Variants in MAMDC2 observed in about 807,000 individuals in gnomAD.
MAMDC2 encodes the protein MAM domain-containing protein 2.
Under a neutral mutation model 89.8 loss-of-function variants are expected in MAMDC2, and 57 were observed. That is an observed-to-expected ratio of 0.63 (90% CI 0.51 to 0.79). The LOEUF is 0.79. Ranked by LOEUF, MAMDC2 falls within the 30% of genes least tolerant of loss-of-function variation. MAMDC2 has a pLI of 0.00. For missense variants in MAMDC2, 800 were observed against 820.6 expected (o/e 0.97, Z 0.31); for synonymous variants, 313 against 293.4 (o/e 1.07, Z -0.68).
rs554355704 is a variant in MAMDC2 at position 70,054,283 on chromosome 9, G to A, written c.148+9586G>A. Among the ~76,000 whole-genome samples the A allele has an allele frequency of 1.9e-4, 29 of 152,244 alleles. 1 individual carries two copies. Among genetic ancestry groups the A allele is most frequent in the African/African-American group, 7.0e-4 (29 of 41,544 alleles). ...ATGGATAAAGTAATAACAGCAGGAG[G>A]CTAAGAAAAGATGCCTTGAGCTCAC... On this transcript the variant is annotated intron_variant, in intron 2 of 13. Transcript: ENST00000377182.
At chr9:70,140,784 T>G (rs918437855) in intron 8 of MAMDC2, among the ~76,000 whole-genome samples, 1 of 152,156 alleles carries the variant, frequency 6.6e-6, no homozygotes, top group East Asian at 1.9e-4. Flanking sequence ...AATGGATAAA[T>G]GGTAAATTTT....
chr9:70,078,379 C>A (rs970816978), intron 2 of MAMDC2, among the ~76,000 whole-genome samples: 5 of 152,120 alleles, frequency 3.3e-5, no homozygotes, highest in Admixed American at 2.6e-4. Flanking sequence ...GGCTGAGGCA[C>A]AAAATATAAT....
At chr9:70,190,080 C>T (rs2032846903) in intron 11 of MAMDC2, among the ~76,000 whole-genome samples, 1 of 152,100 alleles carries the variant, frequency 6.6e-6, no homozygotes, top group Admixed American at 6.5e-5. Context: ...AGTCCAATGT[C>T]TTGACTTCCT....
intron 9 of MAMDC2, among the ~76,000 whole-genome samples, chr9:70,147,098 A>G (rs568730234): frequency 6.7e-6 from 1 of 149,722 alleles, no homozygotes; most frequent in African/African-American, 2.5e-5. Context: ...TCCACTAAAA[A>G]TACAAAAATT....
At chr9:70,059,633 C>T (rs538938639) in intron 2 of MAMDC2, among the ~76,000 whole-genome samples, 1 of 152,282 alleles carries the variant, frequency 6.6e-6, no homozygotes, top group Admixed American at 6.5e-5. Context: ...AAGACAGTTT[C>T]AATAAAGTAC....
chr9:70,216,589 G>T (rs1182012923), intron 11 of MAMDC2, among the ~76,000 whole-genome samples: 1 of 152,142 alleles, frequency 6.6e-6, no homozygotes, highest in Admixed American at 6.5e-5. Context: ...TGAATTTGGG[G>T]AGACACATAC....
At chr9:70,060,385 G>A (rs951333503) in intron 2 of MAMDC2, among the ~76,000 whole-genome samples, 9 of 152,168 alleles carry the variant, frequency 5.9e-5, no homozygotes, top group African/African-American at 2.2e-4. Context: ...ATGAGCTCGA[G>A]CATCATGGAG....
At chr9:70,156,860 C>A (rs893734906) in intron 9 of MAMDC2, among the ~76,000 whole-genome samples, 2 of 152,100 alleles carry the variant, frequency 1.3e-5, no homozygotes, top group Admixed American at 1.3e-4. Flanking sequence ...TTTGTTGAGA[C>A]CTTCTGTGTT....
At chr9:70,054,722 A>G (rs1404707191) in intron 2 of MAMDC2, among the ~76,000 whole-genome samples, 1 of 152,146 alleles carries the variant, frequency 6.6e-6, no homozygotes, top group African/African-American at 2.4e-5. Context: ...TTCCACTTTG[A>G]TGATTCAGAA....
At chr9:70,172,860 A>G (rs961349820) in intron 11 of MAMDC2, 2 of 152,996 alleles carry the variant, frequency 1.3e-5, no homozygotes, top group Non-Finnish European at 2.9e-5. Flanking sequence ...TTATGTGTGA[A>G]GCTATCTCTG....
At chr9:70,046,479 C>A (rs531734176) in intron 2 of MAMDC2, among the ~76,000 whole-genome samples, 1 of 152,196 alleles carries the variant, frequency 6.6e-6, no homozygotes, top group Admixed American at 6.5e-5. Context: ...AAGCCAGGAG[C>A]CTTAGTTAGT....
chr9:70,182,362 G>A lies in MAMDC2; in HGVS notation c.1651+11731G>A, dbSNP rs574175001. 4.6e-5 allele frequency among the ~76,000 whole-genome samples: 7 copies of A among 152,176 alleles called. No homozygotes were observed. The South Asian group carries it at 6.2e-4, about 14-fold the overall frequency. On this transcript the variant is annotated intron_variant, in intron 11 of 13. Transcript: ENST00000377182. ...CAGGTTTTGGTGTCAGAATGATGCCGGCCTCATAAAATGAATTAGGGAGGA... is the reference window on the plus strand; with the variant it reads ...CAGGTTTTGGTGTCAGAATGATGCCAGCCTCATAAAATGAATTAGGGAGGA...
chr9:70,190,789 T>A (rs929532597), intron 11 of MAMDC2, among the ~76,000 whole-genome samples: 3 of 152,154 alleles, frequency 2.0e-5, no homozygotes, highest in Non-Finnish European at 4.4e-5. Context: ...AAATGCCATG[T>A]GGATACAGTT....
In MAMDC2 at chr9:70,198,595, T is replaced by C. The variant is rs578016599; in HGVS notation, c.1652-19742T>C. Among the ~76,000 whole-genome samples, 80 of 151,234 alleles carry C rather than the reference T, an allele frequency of 5.3e-4. No individual in the cohort carries two copies. The South Asian group carries it at 0.016, about 31-fold the overall frequency. The stretch of plus-strand genomic sequence containing the variant: ...GAATAGATTAAAAGTCATTCAGTTC[T>C]CTCTCCCTGATCCTACTATTCCAGA... On this transcript the variant is annotated intron_variant, in intron 11 of 13. Coordinates refer to ENST00000377182, the MANE Select transcript of MAMDC2 (RefSeq NM_153267.5).
chr9:70,113,242 G>C (rs1309396350), intron 5 of MAMDC2, 110 bp downstream of exon 5: 2 of 1,265,696 alleles, frequency 1.6e-6, no homozygotes, highest in Admixed American at 4.3e-5. Flanking sequence ...AAGAGAGGAG[G>C]GAGGAGGGTG....
intron 12 of MAMDC2, among the ~76,000 whole-genome samples, chr9:70,223,597 T>C (rs2033602495): frequency 6.6e-6 from 1 of 152,218 alleles, no homozygotes; most frequent in Non-Finnish European, 1.5e-5. Flanking sequence ...ACATGGTGTC[T>C]GCTAAGTATT....
chr9:70,086,877 A>G (rs1177628728), intron 2 of MAMDC2: 1 of 152,120 alleles, frequency 6.6e-6, no homozygotes, highest in Non-Finnish European at 1.5e-5. Context: ...AAAACCTTAC[A>G]AGAAAACCTG....
At position 70,143,581 on chromosome 9, in the gene MAMDC2, T is replaced by G; in HGVS notation, c.1166T>G (p.Phe389Cys). ...LGYYLLANTK[F>C]TSQPGYIGRL... is the part of the protein sequence containing the mutation. Reference sequence around the variant, plus strand: ...TATTACCTGCTAGCCAACACAAAGTTCACATCTCAGCCTGGCTACATTGGA... The same window carrying G: ...TATTACCTGCTAGCCAACACAAAGTGCACATCTCAGCCTGGCTACATTGGA... The change falls in exon 9 of 14, where the codon TTC becomes TGC. Residue 389 changes from phenylalanine to cysteine, a missense_variant. Physicochemically the swap from Phe to Cys is radical, Grantham distance 205 (BLOSUM62 -2). Coordinates refer to ENST00000377182, the MANE Select transcript of MAMDC2 (RefSeq NM_153267.5). 6.2e-7 allele frequency: 1 copy of G among 1,614,160 alleles called. No homozygotes were observed. Among genetic ancestry groups the G allele is most frequent in the Non-Finnish European group, 8.5e-7 (1 of 1,180,002 alleles).
chr9:70,103,719 C>T (rs1328736973), intron 2 of MAMDC2, among the ~76,000 whole-genome samples: 1 of 151,910 alleles, frequency 6.6e-6, no homozygotes, highest in East Asian at 1.9e-4. Context: ...TGGTGGCTCA[C>T]TCCTGTAATC....
Sources: allele counts gnomAD v4.1 joint callset (sites outside exome capture counted in the v4.1 genomes callset), GRCh38; gene constraint gnomAD v4.1.1; transcripts MANE v1.5; gene names NCBI Gene and HGNC (gene_info 2026-07-23, HGNC 2026-07-21).